Variants in PLBD2 observed in about 807,000 individuals in gnomAD.
PLBD2 encodes phospholipase B domain containing 2.
A neutral mutation model predicts 68.3 loss-of-function variants in PLBD2; 51 were observed. The ratio of observed to expected loss-of-function variants is 0.75; its 90% confidence interval spans 0.60 to 0.94. PLBD2 has a LOEUF of 0.94. Among genes scored for constraint, PLBD2 ranks in the 40% least tolerant of loss-of-function variants. PLBD2 has a pLI of 0.00. For missense variants in PLBD2, 729 were observed against 792.2 expected, an observed-to-expected ratio of 0.92 and a Z score of 0.96; for synonymous variants, 314 against 339.3, an observed-to-expected ratio of 0.93 and a Z score of 0.82.
chr12:113,382,303 G>A (rs1327530412), intron 6 of PLBD2, among the ~76,000 whole-genome samples: 1 of 152,200 alleles, frequency 6.6e-6, no homozygotes, highest in Non-Finnish European at 1.5e-5. Flanking sequence ...AAGAAGCAAG[G>A]TGCATGAATG....
chr12:113,372,889 T>C lies in PLBD2; in HGVS notation c.543+82T>C, dbSNP rs372194740. ...TCTCCTGTTGTTCTGGCCAGCCTTGTGGCATGTCCAGCTGCCCAGCCGCCT... is the reference window on the plus strand; with the variant it reads ...TCTCCTGTTGTTCTGGCCAGCCTTGCGGCATGTCCAGCTGCCCAGCCGCCT... On this transcript the variant is annotated intron_variant, in intron 3 of 11. Transcript: ENST00000280800. This position sits in a 1 kb window ranked among gnomAD's most constrained non-coding sequence, Gnocchi z 4.2. 3 of 1,509,028 alleles carry C rather than the reference T, an allele frequency of 2.0e-6. No homozygotes were observed. The South Asian group carries it at 3.7e-5, about 18-fold the overall frequency. The allele number at this position is 1,509,028 out of a possible 1,614,324, so 93.5% of individuals were successfully genotyped here. A position where few individuals can be genotyped will look rare whatever the true frequency, so the allele number is the denominator to read the frequency against.
chr12:113,378,651 T>G lies in PLBD2; in HGVS notation c.860-2094T>G, dbSNP rs73430148. ...CACTGGGATTTCAGGTGTGAGCCTC[T>G]GCGCTGGGTCCCACTGTGCCTTTTT... On this transcript the variant is annotated intron_variant, in intron 5 of 11. Coordinates refer to ENST00000280800, the MANE Select transcript of PLBD2 (RefSeq NM_173542.4). Among the ~76,000 whole-genome samples the G allele has an allele frequency of 2.3e-3, 350 of 149,648 alleles. 2 individuals are homozygous for G. The highest frequency in any genetic ancestry group is 8.2e-3 in the African/African-American group (338 of 40,974).
chr12:113,381,051 G>A (rs563326106), intron 6 of PLBD2, among the ~76,000 whole-genome samples: 2 of 152,200 alleles, frequency 1.3e-5, no homozygotes, highest in South Asian at 4.1e-4. Flanking sequence ...CTGCTCTGGG[G>A]ACTTGGACCA....
At chr12:113,380,542 T>G (rs1242454290) in intron 5 of PLBD2, among the ~76,000 whole-genome samples, 2 of 152,248 alleles carry the variant, frequency 1.3e-5, no homozygotes, top group African/African-American at 4.8e-5. Flanking sequence ...ATATAAGTTT[T>G]GCTGCTAGCT....
rs1247412979 is a variant in PLBD2, at chr12:113,380,755, G to T, written c.870G>T (p.Pro290=). 6 of 1,550,364 alleles carry T rather than the reference G, an allele frequency of 3.9e-6. No individual in the cohort carries two copies. The highest frequency in any genetic ancestry group is 5.2e-6 in the Non-Finnish European group (6 of 1,147,376). ...GCTCTGCCTGCACAGGGGACTACCC[G>T]CTGGTTCCCGGCAACAAGCTGGTCT... ...QFREGPWGDY[P]LVPGNKLVFS... Residue 290 remains proline (P), a synonymous_variant, in exon 6 of 12, where the codon CCG becomes CCT. Coordinates refer to ENST00000280800, the MANE Select transcript of PLBD2 (RefSeq NM_173542.4).
intron 10 of PLBD2, among the ~76,000 whole-genome samples, chr12:113,387,478 G>T (rs540868788): frequency 6.6e-6 from 1 of 152,182 alleles, no homozygotes; most frequent in Non-Finnish European, 1.5e-5. Flanking sequence ...AGGAACAAAC[G>T]GGTGCCTCAC....
chr12:113,387,231 G>A (rs1957561412), intron 10 of PLBD2, 142 bp downstream of exon 10: 4 of 1,035,942 alleles, frequency 3.9e-6, no homozygotes, highest in Non-Finnish European at 5.4e-6. Context: ...TTGGACACCA[G>A]TGCAGCAGCT....
intron 1 of PLBD2, among the ~76,000 whole-genome samples, chr12:113,364,563 G>A (rs1338215223): frequency 1.3e-5 from 2 of 151,748 alleles, no homozygotes; most frequent in African/African-American, 2.4e-5. Flanking sequence ...GGGCTCAAGC[G>A]ATCCTCCCAT....
intron 1 of PLBD2, among the ~76,000 whole-genome samples, chr12:113,368,382 T>G (rs987385296): frequency 1.3e-5 from 2 of 152,232 alleles, no homozygotes; most frequent in South Asian, 4.1e-4. Context: ...TACTTCATGC[T>G]GCAGCTCTAC....
intron 1 of PLBD2, among the ~76,000 whole-genome samples, chr12:113,366,399 T>C (rs1253763024): frequency 6.6e-6 from 1 of 152,196 alleles, no homozygotes; most frequent in Non-Finnish European, 1.5e-5. Context: ...AAGGAAAAGA[T>C]TGATCTGGTT....
At chr12:113,367,759 A>AAAAAAAAAG (rs750382479) in intron 1 of PLBD2, among the ~76,000 whole-genome samples, 2,661 of 147,968 alleles carry the variant, frequency 0.018, 89 homozygotes, top group East Asian at 0.1. Flanking sequence ...AAAAAAAAAA[A>AAAAAAAAAG]AAAAAAGAAA....
chr12:113,363,304 TGCGTGCCTGTA>T (rs943694331), intron 1 of PLBD2, among the ~76,000 whole-genome samples: 2 of 152,004 alleles, frequency 1.3e-5, no homozygotes, highest in African/African-American at 4.8e-5. Flanking sequence ...GGCACGGTGG[TGCGTGCCTGTA>T]GTTCCAGCTA....
At chr12:113,365,469 A>G (rs765584267) in intron 1 of PLBD2, among the ~76,000 whole-genome samples, 46 of 151,836 alleles carry the variant, frequency 3.0e-4, no homozygotes, top group Non-Finnish European at 5.9e-4. Flanking sequence ...ACGCACCACT[A>G]CACCCAGCTA....
chr12:113,370,472 C>CT (rs71086162), intron 2 of PLBD2, among the ~76,000 whole-genome samples: 1,429 of 103,548 alleles, frequency 0.014, 53 homozygotes, highest in Non-Finnish European at 0.018. Context: ...TTTTTCTTTT[C>CT]TTTTTTTTTT....
chr12:113,369,184 T>C lies in PLBD2; in HGVS notation c.359T>C (p.Val120Ala). 6.2e-7 allele frequency: 1 copy of C among 1,606,058 alleles called. No individual in the cohort carries two copies. Among genetic ancestry groups the C allele is most frequent in the Non-Finnish European group, 8.5e-7 (1 of 1,176,338 alleles). ...AGCTTGCAGGCCTATGCAGCCGGTGTGGTGGAGGCTGCTGTGTCGGAGGAG... is the reference window on the plus strand; with the variant it reads ...AGCTTGCAGGCCTATGCAGCCGGTGCGGTGGAGGCTGCTGTGTCGGAGGAG... ...NDSLQAYAAGVVEAAVSEELI... is the reference protein window; with the variant it reads ...NDSLQAYAAGAVEAAVSEELI... The change falls in exon 2 of 12, where the codon GTG becomes GCG. Residue 120 changes from valine to alanine, a missense_variant. By Grantham distance (64) the Val-to-Ala change is moderately conservative. Transcript: ENST00000280800.
chr12:113,382,438 A>T (rs781730872), intron 6 of PLBD2, among the ~76,000 whole-genome samples: 7 of 151,934 alleles, frequency 4.6e-5, no homozygotes, highest in African/African-American at 7.3e-5. Flanking sequence ...AGAAATACCA[A>T]ATTTCAGGAT....
At chr12:113,377,691 C>A (rs1229392137) in intron 5 of PLBD2, among the ~76,000 whole-genome samples, 1 of 152,168 alleles carries the variant, frequency 6.6e-6, no homozygotes, top group African/African-American at 2.4e-5. Context: ...TGATTTCTCA[C>A]AGAATAGGTT....
rs1278207365 is a variant in PLBD2 at position 113,391,195 on chromosome 12, A to T, written c.*2569A>T. ...TCTGATCTCATGCAGCCTGCCTTGG[A>T]GACAAGACTCTCCCAGTGCTGTGTG... On this transcript the variant is annotated 3_prime_UTR_variant, in exon 12 of 12. Transcript: ENST00000280800. 6.6e-6 allele frequency: 1 copy of T among 152,046 alleles called. No individual in the cohort carries two copies. Among genetic ancestry groups the T allele is most frequent in the Non-Finnish European group, 1.5e-5 (1 of 68,032 alleles). The allele number at this position is 152,046 out of a possible 1,614,324, so 9.4% of individuals were successfully genotyped here.
At position 113,388,514 on chromosome 12, in the gene PLBD2, C is replaced by T. The variant is rs1028015085; in HGVS notation, c.1658C>T (p.Thr553Met). ...AGCCTGCTGGCGGCCAGCGGTCCCACGTGGGACCAGGTGCCCCCGTTCCAG... is the reference window on the plus strand; with the variant it reads ...AGCCTGCTGGCGGCCAGCGGTCCCATGTGGGACCAGGTGCCCCCGTTCCAG... ...ILSLLAASGP[T>M]WDQVPPFQWS... Residue 553 changes from threonine to methionine, a missense_variant, in exon 12 of 12, where the codon ACG becomes ATG. By Grantham distance (81) the Thr-to-Met change is moderately conservative. Coordinates refer to ENST00000280800, the MANE Select transcript of PLBD2 (RefSeq NM_173542.4). 14 of 1,609,396 alleles carry T rather than the reference C, an allele frequency of 8.7e-6. No individual in the cohort carries two copies. The African/African-American group carries it at 1.2e-4, about 14-fold the overall frequency.
Sources: gnomAD v4.1 joint callset for allele counts (sites outside exome capture counted in the v4.1 genomes callset) on GRCh38, gnomAD v4.1.1 for gene constraint, Gnocchi (gnomAD v3.1) non-coding constraint, MANE v1.5 for transcripts, NCBI Gene and HGNC (gene_info 2026-07-23, HGNC 2026-07-21) for gene names.